The following XPNPEP2 variants were observed in gnomAD, a reference collection of about 807,000 sequenced individuals.
XPNPEP2 encodes the protein xaa-Pro aminopeptidase 2.
Under a neutral mutation model 59.8 loss-of-function variants are expected in XPNPEP2, and 64 were observed. The ratio of observed to expected loss-of-function variants is 1.07; its 90% CI spans 0.87 to 1.32. The LOEUF (loss-of-function observed/expected upper bound fraction) is 1.32, where lower values mean the gene tolerates loss of function less well. XPNPEP2 is among the 40% of genes most tolerant of loss of function. The probability of loss-of-function intolerance (pLI) is 0.00; values close to 1 mark genes in which losing one functional copy is unlikely to be tolerated. For synonymous variants in XPNPEP2, 235 were observed against 210.0 expected (o/e 1.12, Z -1.03); for missense variants, 575 against 546.8 (o/e 1.05, Z -0.51).
At chrX:129,743,032 C>A (rs1328353675) in intron 2 of XPNPEP2, among the ~76,000 whole-genome samples, 1 of 111,920 alleles carries the variant, frequency 8.9e-6, no homozygotes, top group Admixed American at 9.4e-5. Context: ...TAGCTGGAGA[C>A]CAGAGTGATT....
intron 11 of XPNPEP2, among the ~76,000 whole-genome samples, chrX:129,753,640 A>G (rs1487266942): frequency 9.0e-6 from 1 of 111,350 alleles, no homozygotes; most frequent in Non-Finnish European, 1.9e-5. Context: ...GTCAAAAAAA[A>G]AGAAAGAAAG....
chrX:129,742,273 C>A (rs1344617365), intron 2 of XPNPEP2, 92 bp downstream of exon 2: 1 of 484,735 alleles, frequency 2.1e-6, no homozygotes, highest in Non-Finnish European at 3.4e-6. Flanking sequence ...AGCACCCCCG[C>A]CCTGCTCTAT....
rs1926431106 is a variant in XPNPEP2, at chrX:129,752,137, C to G, written c.822-13C>G. 2 of 1,204,835 alleles carry G rather than the reference C, an allele frequency of 1.7e-6. No homozygotes were observed. The highest frequency in any genetic ancestry group is 2.2e-6 in the Non-Finnish European group (2 of 892,165). On this transcript the variant is annotated splice_polypyrimidine_tract_variant and intron_variant, in intron 9 of 20. Coordinates refer to ENST00000371106, the MANE Select transcript of XPNPEP2 (RefSeq NM_003399.6). ...GATGCTCAGGACCCTCCTTGTCTTCCCACCCCACCCAGGTTGTTTGCAAAC... is the reference window on the plus strand; with the variant it reads ...GATGCTCAGGACCCTCCTTGTCTTCGCACCCCACCCAGGTTGTTTGCAAAC...
Position 129,739,189 on chromosome X carries a change from C to T in XPNPEP2, c.-25C>T. 2 of 1,205,701 alleles carry T rather than the reference C, an allele frequency of 1.7e-6. No homozygotes were observed. The highest frequency in any genetic ancestry group is 2.2e-6 in the Non-Finnish European group (2 of 893,567). ...CCTCTCTCCCTTGTCCCTCCATCCA[C>T]CCAGCGCCGGCATCTGGAGACCCTA... On this transcript the variant is annotated 5_prime_UTR_variant, in exon 1 of 21. Coordinates refer to ENST00000371106, the MANE Select transcript of XPNPEP2 (RefSeq NM_003399.6).
At chrX:129,751,566 GAAAGAAAGAAAGAAAGAAAGAAAGAAAGA>G (rs1569476532) in intron 8 of XPNPEP2, among the ~76,000 whole-genome samples, 150 bp from the exon 9 acceptor site, 31 of 65,140 alleles carry the variant, frequency 4.8e-4, no homozygotes, top group African/African-American at 1.8e-3. Context: ...AAGAAAGAAA[GAAAGAAAGAAAGAAAGAAAGAAAGAAAGA>G]AAGGAAGGAA....
At chrX:129,751,587 AAAGAAAGAAAGG>A (rs1230248507) in intron 8 of XPNPEP2, among the ~76,000 whole-genome samples, 146 bp from the exon 9 acceptor site, 703 of 65,812 alleles carry the variant, frequency 0.011, 4 homozygotes, top group Middle Eastern at 0.023. Context: ...AGAAAGAAAG[AAAGAAAGAAAGG>A]AAGGAAGGAA....
chrX:129,768,193 G>A (rs1310519006), intron 20 of XPNPEP2, 98 bp from the exon 21 acceptor site: 1 of 864,998 alleles, frequency 1.2e-6, no homozygotes, highest in East Asian at 3.3e-5. Flanking sequence ...GGACTATGGT[G>A]ACAGCTGGAG....
At position 129,761,160 on chromosome X, in the gene XPNPEP2, C is replaced by T. The variant is rs746812768; in HGVS notation, c.1499-12C>T. ...AGCCATCTGACTGGGGTCAATCTCTCTTCCCTTCCAGGGCGAATGGTGGAG... is the reference window on the plus strand; with the variant it reads ...AGCCATCTGACTGGGGTCAATCTCTTTTCCCTTCCAGGGCGAATGGTGGAG... On this transcript the variant is annotated splice_polypyrimidine_tract_variant and intron_variant, in intron 16 of 20. Transcript: ENST00000371106. The T allele has an allele frequency of 8.3e-7, 1 of 1,208,841 alleles. No homozygotes were observed. Among genetic ancestry groups the T allele is most frequent in the South Asian group, 1.8e-5 (1 of 56,802 alleles).
In XPNPEP2 at chrX:129,769,488, C is replaced by T. The variant is rs866815933; in HGVS notation, c.*1003C>T. 8.9e-6 allele frequency: 1 copy of T among 112,444 alleles called. No individual in the cohort carries two copies. The highest frequency in any genetic ancestry group is 9.4e-5 in the Admixed American group (1 of 10,609). The allele number at this position is 112,444 out of a possible 1,213,427, so 9.3% of individuals were successfully genotyped here. A position where few individuals can be genotyped will look rare whatever the true frequency, so the allele number is the denominator to read the frequency against. On this transcript the variant is annotated 3_prime_UTR_variant, in exon 21 of 21. Coordinates refer to ENST00000371106, the MANE Select transcript of XPNPEP2 (RefSeq NM_003399.6). ...TTGCTCCGGCCAAATTGGCCGTTAG[C>T]CACCTGGGTCCACATCCTGCTAAGA... is the stretch of plus-strand genomic sequence containing the variant.
chrX:129,761,948 C>A, intron 17 of XPNPEP2, 58 bp from the exon 18 acceptor site: 2 of 1,139,940 alleles, frequency 1.8e-6, no homozygotes, highest in South Asian at 1.8e-5. Flanking sequence ...GGAAGCTGCT[C>A]ACTTCCAAGC....
chrX:129,751,250 G>A (rs1926391399), intron 8 of XPNPEP2, among the ~76,000 whole-genome samples: 1 of 109,546 alleles, frequency 9.1e-6, no homozygotes, highest in Non-Finnish European at 1.9e-5. Context: ...ACTCACGCCT[G>A]TAATCCCAGC....
intron 9 of XPNPEP2, 106 bp from the exon 10 acceptor site, chrX:129,752,044 G>A (rs750777576): frequency 1.2e-4 from 117 of 1,001,111 alleles, no homozygotes; most frequent in Non-Finnish European, 1.5e-4. Context: ...GGCTCCCTGG[G>A]GCTGGCTTCC....
intron 6 of XPNPEP2, among the ~76,000 whole-genome samples, 192 bp from the exon 7 acceptor site, chrX:129,747,415 A>G (rs1460450771): frequency 9.1e-6 from 1 of 110,235 alleles, no homozygotes; most frequent in East Asian, 3.0e-4. Flanking sequence ...GAAAGCAGAA[A>G]GAGGATGAGA....
At chrX:129,742,024 T>C (rs1926192826) in intron 1 of XPNPEP2, 84 bp from the exon 2 acceptor site, 1 of 925,145 alleles carries the variant, frequency 1.1e-6, no homozygotes, top group Non-Finnish European at 1.5e-6. Context: ...GGAGGCCCCG[T>C]GGGGCGGGCT....
At chrX:129,741,999 T>C in intron 1 of XPNPEP2, 109 bp from the exon 2 acceptor site, 1 of 675,872 alleles carries the variant, frequency 1.5e-6, no homozygotes, top group Admixed American at 2.6e-5. Context: ...GCCAGCTTCG[T>C]GCGTTTCAAA....
At position 129,739,145 on chromosome X, in the gene XPNPEP2, G is replaced by C; in HGVS notation, c.-69G>C. On this transcript the variant is annotated 5_prime_UTR_variant, in exon 1 of 21. Coordinates refer to ENST00000371106, the MANE Select transcript of XPNPEP2 (RefSeq NM_003399.6). ...AGCCCAGGAAAGGCCTGAAGGAAGA[G>C]GCCGGGGAAAGAGCCCTCCCTCTCT... is the stretch of plus-strand genomic sequence containing the variant. 8.9e-7 allele frequency: 1 copy of C among 1,118,081 alleles called. No homozygotes were observed. The highest frequency in any genetic ancestry group is 3.0e-5 in the East Asian group (1 of 33,224). The allele number at this position is 1,118,081 out of a possible 1,213,427, so 92.1% of individuals were successfully genotyped here. A position where few individuals can be genotyped will look rare whatever the true frequency, so the allele number is the denominator to read the frequency against.
chrX:129,768,558 T>C lies in XPNPEP2; in HGVS notation c.*73T>C, dbSNP rs1448971149. 5 of 935,790 alleles carry C rather than the reference T, an allele frequency of 5.3e-6. No individual in the cohort carries two copies. The highest frequency in any genetic ancestry group is 7.0e-6 in the Non-Finnish European group (5 of 712,692). 77.1% of individuals were successfully genotyped at this position (935,790 alleles called of 1,213,427 possible). ...TTGCTTAGCTCCCCTCACCCTGCACTGAACATACCCCAAGAGCCCCTGCTG... is the reference window on the plus strand; with the variant it reads ...TTGCTTAGCTCCCCTCACCCTGCACCGAACATACCCCAAGAGCCCCTGCTG... On this transcript the variant is annotated 3_prime_UTR_variant, in exon 21 of 21. Coordinates refer to ENST00000371106, the MANE Select transcript of XPNPEP2 (RefSeq NM_003399.6).
chrX:129,759,696 C>T (rs1926620602), intron 15 of XPNPEP2, among the ~76,000 whole-genome samples: 1 of 112,858 alleles, frequency 8.9e-6, no homozygotes, highest in Admixed American at 9.3e-5. Context: ...CAGCGAGCTG[C>T]CGTCATGCTG....
intron 10 of XPNPEP2, among the ~76,000 whole-genome samples, chrX:129,752,949 G>A (rs1926447650): frequency 8.9e-6 from 1 of 112,408 alleles, no homozygotes; most frequent in Non-Finnish European, 1.9e-5. Context: ...CTTCCTGGAA[G>A]GAGAGAGGGT....
Sources: gnomAD v4.1 joint callset for allele counts (sites outside exome capture counted in the v4.1 genomes callset) on GRCh38, gnomAD v4.1.1 for gene constraint, MANE v1.5 for transcripts, NCBI Gene and HGNC (gene_info 2026-07-23, HGNC 2026-07-21) for gene names.